SYN3: variants seen among roughly 807,000 people sequenced by gnomAD.
SYN3 encodes the protein synapsin-3.
A neutral mutation model predicts 65.8 loss-of-function variants in SYN3; 35 were observed. The ratio of observed to expected loss-of-function variants is 0.53; its 90% CI spans 0.41 to 0.70. SYN3 has a LOEUF of 0.70. SYN3 is among the 30% of genes least tolerant of loss of function. The probability of loss-of-function intolerance (pLI) is 0.00; values close to 1 mark genes in which losing one functional copy is unlikely to be tolerated. For missense variants in SYN3, 680 were observed against 749.0 expected (o/e 0.91, Z 1.08); for synonymous variants, 270 against 292.9 (o/e 0.92, Z 0.80).
intron 6 of SYN3, among the ~76,000 whole-genome samples, chr22:32,632,105 C>T (rs888343669): frequency 1.3e-5 from 2 of 152,212 alleles, no homozygotes; most frequent in Admixed American, 6.5e-5. Context: ...GGACTGGGGG[C>T]CTCATTGCTC....
At chr22:32,656,316 C>A (rs2060141560) in intron 6 of SYN3, among the ~76,000 whole-genome samples, 1 of 152,124 alleles carries the variant, frequency 6.6e-6, no homozygotes, top group African/African-American at 2.4e-5. Flanking sequence ...TCAGTTTGCT[C>A]ATCCATAAAT....
chr22:32,759,731 C>G (rs1309363313), intron 6 of SYN3, among the ~76,000 whole-genome samples: 2 of 111,762 alleles, frequency 1.8e-5, no homozygotes, highest in Non-Finnish European at 3.7e-5. Context: ...TCAGCCAGCA[C>G]CCACCCACCC....
chr22:32,533,721 G>A (rs1157903770), intron 10 of SYN3, 72 bp downstream of exon 10: 36 of 1,054,480 alleles, frequency 3.4e-5, no homozygotes, highest in South Asian at 2.7e-5. Flanking sequence ...CAAAGACCAT[G>A]CAGGGATTCC....
At chr22:32,604,954 CG>C (rs1569083792) in intron 6 of SYN3, among the ~76,000 whole-genome samples, 1 of 143,978 alleles carries the variant, frequency 6.9e-6, no homozygotes, top group Non-Finnish European at 1.5e-5. Context: ...TGCAGTGAGC[CG>C]AGATGGCGCC....
chr22:32,962,883 A>ATC (rs1421467619), intron 3 of SYN3, among the ~76,000 whole-genome samples: 3 of 150,644 alleles, frequency 2.0e-5, no homozygotes, highest in Non-Finnish European at 3.0e-5. Flanking sequence ...TTATCTACCT[A>ATC]TCTCTCTCTA....
rs1290652638 is a variant in SYN3 at position 32,513,574 on chromosome 22, A to G, written c.*118T>C. The G allele has an allele frequency of 4.5e-6, 6 of 1,334,152 alleles. No individual in the cohort carries two copies. The highest frequency in any genetic ancestry group is 4.7e-5 in the East Asian group (2 of 42,900). The allele number at this position is 1,334,152 out of a possible 1,614,324, so 82.6% of individuals were successfully genotyped here. A position where few individuals can be genotyped will look rare whatever the true frequency, so the allele number is the denominator to read the frequency against. ...CGGTTCCTGGGTCAAAGGCATTTAGAAAGTATGTTCTCAGGCCCTCCATTC... is the reference window on the plus strand; with the variant it reads ...CGGTTCCTGGGTCAAAGGCATTTAGGAAGTATGTTCTCAGGCCCTCCATTC... On this transcript the variant is annotated 3_prime_UTR_variant, in exon 14 of 14. Coordinates refer to ENST00000358763, the MANE Select transcript of SYN3 (RefSeq NM_003490.4).
chr22:33,008,429 C>T (rs79824220), intron 1 of SYN3, among the ~76,000 whole-genome samples: 2,123 of 152,200 alleles, frequency 0.014, 53 homozygotes, highest in African/African-American at 0.048. Flanking sequence ...TGCATGTCAC[C>T]GTTTATTAAT....
chr22:32,749,154 C>T (rs966469878), intron 6 of SYN3, among the ~76,000 whole-genome samples: 2 of 152,038 alleles, frequency 1.3e-5, no homozygotes, highest in African/African-American at 4.8e-5. Flanking sequence ...AGGGAGGGTC[C>T]ACTTTTCGGT....
At chr22:32,554,059 G>A (rs946500633) in intron 7 of SYN3, among the ~76,000 whole-genome samples, 4 of 152,162 alleles carry the variant, frequency 2.6e-5, no homozygotes, top group Non-Finnish European at 4.4e-5. Context: ...CAGGCCAAAT[G>A]TCAGGCTTAT....
In SYN3 at chr22:32,930,148, C is replaced by T. The variant is rs1447452450; in HGVS notation, c.461+1242G>A. On this transcript the variant is annotated intron_variant, in intron 4 of 13. Coordinates refer to ENST00000358763, the MANE Select transcript of SYN3 (RefSeq NM_003490.4). ...TAATTTACCAAATGATATGGTTTGG[C>T]TGTGTCCCCACCCAAATCTTATCTT... Among the ~76,000 whole-genome samples the T allele has an allele frequency of 2.0e-5, 3 of 152,124 alleles. No homozygotes were observed. The East Asian group carries it at 5.8e-4, about 29-fold the overall frequency.
At chr22:32,526,931 A>C (rs1364653178) in intron 12 of SYN3, among the ~76,000 whole-genome samples, 1 of 152,180 alleles carries the variant, frequency 6.6e-6, no homozygotes, top group Admixed American at 6.5e-5. Flanking sequence ...GAGTGTGCCC[A>C]GGAGGTTTTG....
chr22:32,772,895 AC>A (rs1475181449), intron 6 of SYN3, among the ~76,000 whole-genome samples: 4 of 152,190 alleles, frequency 2.6e-5, no homozygotes, highest in African/African-American at 9.7e-5. Context: ...TAACTGCGAG[AC>A]AAAAAATCTA....
chr22:32,729,665 A>G (rs933026849), intron 6 of SYN3, among the ~76,000 whole-genome samples: 7 of 152,208 alleles, frequency 4.6e-5, no homozygotes, highest in Non-Finnish European at 8.8e-5. Context: ...CTGACTTGCA[A>G]TCTAATCTAT....
chr22:32,731,093 G>A (rs1055839618), intron 6 of SYN3, among the ~76,000 whole-genome samples: 4 of 152,276 alleles, frequency 2.6e-5, no homozygotes, highest in African/African-American at 9.6e-5. Context: ...ACAACAGCAG[G>A]ACATATCTGC....
chr22:33,019,957 C>T (rs891373567), intron 1 of SYN3, among the ~76,000 whole-genome samples: 2 of 152,204 alleles, frequency 1.3e-5, no homozygotes, highest in East Asian at 1.9e-4. Flanking sequence ...AATGCACAGA[C>T]GTGCTTTTGA....
intron 7 of SYN3, among the ~76,000 whole-genome samples, chr22:32,544,201 G>A (rs2058302510): frequency 6.6e-6 from 1 of 152,194 alleles, no homozygotes; most frequent in Non-Finnish European, 1.5e-5. Context: ...GCCTTCCAAA[G>A]TGCTGGGATT....
chr22:32,972,393 G>T (rs138624637), intron 3 of SYN3, among the ~76,000 whole-genome samples: 1 of 152,308 alleles, frequency 6.6e-6, no homozygotes, highest in Non-Finnish European at 1.5e-5. Flanking sequence ...AGTGGAGTAT[G>T]GATAAGGAGA....
At chr22:32,670,492 A>C (rs1294471664) in intron 6 of SYN3, among the ~76,000 whole-genome samples, 1 of 152,208 alleles carries the variant, frequency 6.6e-6, no homozygotes, top group East Asian at 1.9e-4. Context: ...GGGTCTCTGA[A>C]AAGCTGGAAA....
intron 3 of SYN3, among the ~76,000 whole-genome samples, chr22:32,941,286 C>T (rs141497798): frequency 2.6e-5 from 4 of 152,328 alleles, no homozygotes; most frequent in Non-Finnish European, 5.9e-5. Context: ...CATGCTCACA[C>T]ACCTCTAAAG....
Sources: gnomAD v4.1 joint callset for allele counts (sites outside exome capture counted in the v4.1 genomes callset) on GRCh38, gnomAD v4.1.1 for gene constraint, MANE v1.5 for transcripts, NCBI Gene and HGNC (gene_info 2026-07-23, HGNC 2026-07-21) for gene names.